Variants in FGF13 observed in about 807,000 individuals in gnomAD.
FGF13 encodes the protein fibroblast growth factor homologous factor 2.
FGF13 carries 2 observed loss-of-function variants against 19.5 expected under a neutral mutation model. The observed-to-expected ratio is 0.10, with a 90% CI of 0.04 to 0.32. FGF13 has a LOEUF of 0.32. Ranked by LOEUF, FGF13 falls within the 10% of genes least tolerant of loss-of-function variation. The pLI, the probability that FGF13 is intolerant of heterozygous loss-of-function variation, is 1.00. For missense variants in FGF13, 113 were observed against 192.7 expected (o/e 0.59, Z 2.45); for synonymous variants, 72 against 76.9 (o/e 0.94, Z 0.33).
chrX:138,682,451 G>GGTGTGT (rs370699077), intron 3 of FGF13, among the ~76,000 whole-genome samples: 1 of 110,511 alleles, frequency 9.0e-6, no homozygotes, highest in Non-Finnish European at 1.9e-5. Flanking sequence ...ATATCAGAGG[G>GGTGTGT]GTGTGTGTGT....
chrX:138,810,267 C>T (rs1178402311), intron 3 of FGF13, among the ~76,000 whole-genome samples: 1 of 111,404 alleles, frequency 9.0e-6, no homozygotes. Context: ...TGGAACAAAA[C>T]AGAGCCCTCA....
chrX:139,087,245 G>A (rs1026488248), intron 1 of FGF13, among the ~76,000 whole-genome samples: 2 of 110,072 alleles, frequency 1.8e-5, no homozygotes, highest in Non-Finnish European at 3.8e-5. Context: ...GCAGTGAGCC[G>A]AGATCGCGCC....
intron 1 of FGF13, among the ~76,000 whole-genome samples, chrX:138,961,535 G>A (rs745867765): frequency 8.9e-4 from 99 of 111,404 alleles, no homozygotes; most frequent in African/African-American, 3.1e-3. Flanking sequence ...CTGTCAGACA[G>A]GGACGTTAAA....
intron 1 of FGF13, among the ~76,000 whole-genome samples, chrX:138,873,753 C>A (rs2091370770): frequency 1.8e-5 from 2 of 110,842 alleles, no homozygotes; most frequent in Non-Finnish European, 3.8e-5. Context: ...AAATGTCAGC[C>A]AGAGTAAAAC....
chrX:139,164,092 TC>T (rs1247983111), intron 1 of FGF13, among the ~76,000 whole-genome samples: 1 of 75,722 alleles, frequency 1.3e-5, no homozygotes, highest in Non-Finnish European at 2.4e-5. Flanking sequence ...GGCTGAGTTT[TC>T]TTTTTTTTTT....
chrX:138,834,783 T>G (rs113832908), intron 3 of FGF13, among the ~76,000 whole-genome samples: 1,296 of 111,238 alleles, frequency 0.012, 15 homozygotes, highest in African/African-American at 0.04. Context: ...ATCACTCTGA[T>G]GTGGACATCT....
At chrX:138,761,032 C>T (rs149396067) in intron 3 of FGF13, among the ~76,000 whole-genome samples, 1,682 of 111,670 alleles carry the variant, frequency 0.015, 19 homozygotes, top group African/African-American at 0.052. Flanking sequence ...GATCAAAATC[C>T]AATACTGTCA....
At chrX:138,673,050 G>A (rs2089629955) in intron 3 of FGF13, among the ~76,000 whole-genome samples, 1 of 111,058 alleles carries the variant, frequency 9.0e-6, no homozygotes, top group Admixed American at 9.6e-5. Context: ...GAGTAATTGG[G>A]TAGAATAATG....
intron 1 of FGF13, among the ~76,000 whole-genome samples, chrX:139,104,692 G>A (rs2079582905): frequency 9.0e-6 from 1 of 110,792 alleles, no homozygotes; most frequent in Non-Finnish European, 1.9e-5. Flanking sequence ...TTCTGGTGAG[G>A]GCCCTCTTTT....
At position 138,943,392 on chromosome X, in the gene FGF13, C is replaced by A. The variant is rs191474801; in HGVS notation, c.-112-78742G>T. Among the ~76,000 whole-genome samples the A allele has an allele frequency of 5.5e-3, 614 of 112,369 alleles. 1 individual carries two copies. The highest frequency in any genetic ancestry group is 9.4e-3 in the Admixed American group (100 of 10,656). ...ACAGTACACGGCAACTAAAGCCCTG[C>A]AATTGAGCCCATATTTCAACATTTC... On this transcript the variant is annotated intron_variant, in intron 1 of 2. Transcript: ENST00000421460.
intron 1 of FGF13, among the ~76,000 whole-genome samples, chrX:138,927,064 G>A (rs1232359395): frequency 9.0e-6 from 1 of 111,509 alleles, no homozygotes; most frequent in Non-Finnish European, 1.9e-5. Flanking sequence ...ATTTATTTAG[G>A]GCCAGAGTAC....
intron 3 of FGF13, among the ~76,000 whole-genome samples, chrX:138,814,918 C>T (rs753648953): frequency 9.0e-6 from 1 of 111,711 alleles, no homozygotes; most frequent in East Asian, 2.8e-4. Context: ...ATTTACAATA[C>T]TCAAGATATG....
At chrX:139,044,203 A>C (rs1468284252) in intron 1 of FGF13, among the ~76,000 whole-genome samples, 1 of 112,204 alleles carries the variant, frequency 8.9e-6, no homozygotes, top group Non-Finnish European at 1.9e-5. Context: ...TGGGTAATTT[A>C]CAAAGAAAAC....
chrX:138,656,954 C>A (rs1264519931), intron 3 of FGF13, among the ~76,000 whole-genome samples: 2 of 111,938 alleles, frequency 1.8e-5, no homozygotes, highest in Non-Finnish European at 3.8e-5. Context: ...ATCATTAAGG[C>A]CTAACTTTTC....
At chrX:138,888,957 C>T (rs774819027) in intron 1 of FGF13, among the ~76,000 whole-genome samples, 5 of 112,164 alleles carry the variant, frequency 4.5e-5, no homozygotes, top group Non-Finnish European at 9.4e-5. Context: ...TTTTTGCTGT[C>T]TTCCATGGGC....
intron 2 of FGF13, among the ~76,000 whole-genome samples, chrX:138,707,385 G>A (rs1481140516): frequency 9.0e-6 from 1 of 111,162 alleles, no homozygotes; most frequent in African/African-American, 3.3e-5. Flanking sequence ...TAGGCTCACT[G>A]GCAGCTAATC....
chrX:138,876,854 A>C (rs2091392528), intron 1 of FGF13, among the ~76,000 whole-genome samples: 1 of 112,602 alleles, frequency 8.9e-6, no homozygotes, highest in African/African-American at 3.2e-5. Flanking sequence ...AAAGATTACC[A>C]TGATAAAGAT....
At chrX:138,730,977 G>A (rs1261247155) in intron 1 of FGF13, among the ~76,000 whole-genome samples, 1 of 111,217 alleles carries the variant, frequency 9.0e-6, no homozygotes, top group Non-Finnish European at 1.9e-5. Context: ...GAGATAATGG[G>A]GGAAATGTCA....
intron 3 of FGF13, among the ~76,000 whole-genome samples, chrX:138,653,295 T>A (rs951649311): frequency 9.0e-6 from 1 of 111,470 alleles, no homozygotes; most frequent in African/African-American, 3.3e-5. Context: ...AACTTGCTAA[T>A]TAAGTACAAT....
Sources: allele counts gnomAD v4.1 joint callset (sites outside exome capture counted in the v4.1 genomes callset), GRCh38; gene constraint gnomAD v4.1.1; transcripts MANE v1.5; gene names NCBI Gene and HGNC (gene_info 2026-07-23, HGNC 2026-07-21).